SLC36A1: variants seen among roughly 807,000 people sequenced by gnomAD.
SLC36A1 encodes the protein solute carrier family 36 member 1.
SLC36A1 carries 30 observed loss-of-function variants against 47.5 expected under a neutral mutation model. That is an observed-to-expected ratio of 0.63 (90% CI 0.47 to 0.86). SLC36A1 has a LOEUF of 0.86. Ranked by LOEUF, SLC36A1 falls within the 40% of genes least tolerant of loss-of-function variation. The probability of loss-of-function intolerance (pLI) is 0.00; values close to 1 mark genes in which losing one functional copy is unlikely to be tolerated. For synonymous variants in SLC36A1, 255 were observed against 249.7 expected (o/e 1.02, Z -0.20); for missense variants, 517 against 606.0 (o/e 0.85, Z 1.54).
chr5:151,412,135 T>C, the SLC36A1 span, among the ~76,000 whole-genome samples: 1 of 144,848 alleles, frequency 6.9e-6, no homozygotes. Context: ...TTCCAAACTG[T>C]CTGTGTGGGT....
At chr5:151,347,570 C>G in the SLC36A1 span, 16 of 1,415,074 alleles carry the variant, frequency 1.1e-5, no homozygotes, top group Non-Finnish European at 1.5e-5. Flanking sequence ...GGTGTGTGCC[C>G]GGGCTGGCTC....
the SLC36A1 span, chr5:151,422,179 G>A: frequency 1.3e-5 from 2 of 152,372 alleles, no homozygotes; most frequent in African/African-American, 4.8e-5. Context: ...ACACCCACAC[G>A]GTGCATGGCC....
the SLC36A1 span, chr5:151,527,410 G>A: frequency 6.4e-7 from 1 of 1,552,716 alleles, no homozygotes; most frequent in Non-Finnish European, 8.7e-7. Context: ...GGTTAGCAAT[G>A]AGGTAGCTGT....
the SLC36A1 span, chr5:151,544,540 C>T: frequency 2.4e-5 from 38 of 1,612,808 alleles, no homozygotes; most frequent in South Asian, 1.5e-4. Context: ...CTCTGGACTC[C>T]GGGCCTGGGT....
the SLC36A1 span, among the ~76,000 whole-genome samples, chr5:151,547,488 T>C: frequency 7.4e-3 from 1,133 of 152,348 alleles, 6 homozygotes; most frequent in Non-Finnish European, 0.012. Flanking sequence ...ACTTTACATG[T>C]CTTATTCCCT....
At chr5:151,437,303 T>TGGA (rs1374804912) in intron 1 of SLC36A1, 1 of 152,234 alleles carries the variant, frequency 6.6e-6, no homozygotes, top group African/African-American at 2.4e-5. Context: ...AACACAATCT[T>TGGA]ACTTTAACAA....
intron 10 of SLC36A1, among the ~76,000 whole-genome samples, chr5:151,484,563 G>A (rs1759263024): frequency 6.6e-6 from 1 of 152,264 alleles, no homozygotes; most frequent in East Asian, 1.9e-4. Context: ...TCAGAGTTGG[G>A]CGAGACTTCA....
At chr5:151,401,086 C>A in the SLC36A1 span, among the ~76,000 whole-genome samples, 4 of 152,146 alleles carry the variant, frequency 2.6e-5, no homozygotes, top group African/African-American at 9.7e-5. Context: ...GTCATAAATT[C>A]TTTGTCAAGG....
At chr5:151,403,460 G>A in the SLC36A1 span, among the ~76,000 whole-genome samples, 3 of 152,046 alleles carry the variant, frequency 2.0e-5, no homozygotes, top group Non-Finnish European at 2.9e-5. Flanking sequence ...ATTTAAAAGC[G>A]TGTGGCACCT....
At chr5:151,517,533 G>A in the SLC36A1 span, 24 of 1,502,644 alleles carry the variant, frequency 1.6e-5, no homozygotes, top group Non-Finnish European at 2.2e-5. Flanking sequence ...TGGCAGAAAT[G>A]GGCTTCCTGA....
At chr5:151,400,260 T>C in the SLC36A1 span, among the ~76,000 whole-genome samples, 1 of 152,200 alleles carries the variant, frequency 6.6e-6, no homozygotes, top group African/African-American at 2.4e-5. Context: ...TATGTGGTAT[T>C]TGGTTTTCAG....
chr5:151,376,923 G>A, the SLC36A1 span, among the ~76,000 whole-genome samples: 7 of 152,110 alleles, frequency 4.6e-5, no homozygotes, highest in Admixed American at 6.5e-5. Flanking sequence ...ATGAGCCGCC[G>A]CACCCGGCCA....
At chr5:151,524,595 G>A in the SLC36A1 span, among the ~76,000 whole-genome samples, 4 of 152,318 alleles carry the variant, frequency 2.6e-5, no homozygotes, top group African/African-American at 9.6e-5. Flanking sequence ...TTCTGTTGTA[G>A]CAGCCCAAAT....
intron 6 of SLC36A1, 45 bp downstream of exon 6, chr5:151,467,328 G>T: frequency 8.4e-7 from 1 of 1,187,342 alleles, no homozygotes; most frequent in South Asian, 1.4e-5. Context: ...AAACCAGAGC[G>T]AGAATGGCAA....
chr5:151,457,021 G>A lies in SLC36A1; in HGVS notation c.-5-1767G>A, dbSNP rs568398852. 1.7e-3 allele frequency among the ~76,000 whole-genome samples: 255 copies of A among 152,354 alleles called. 1 individual carries two copies. The highest frequency in any genetic ancestry group is 0.01 in the Middle Eastern group (3 of 294). On this transcript the variant is annotated intron_variant, in intron 1 of 10. Coordinates refer to ENST00000243389, the MANE Select transcript of SLC36A1 (RefSeq NM_078483.4). ...GCATCCAGCCACATGCCGGAGGACA[G>A]TCTGACGGGCAAGTAGCTGTGCCAG...
At chr5:151,529,407 G>C in the SLC36A1 span, 16 of 1,611,964 alleles carry the variant, frequency 9.9e-6, no homozygotes, top group Non-Finnish European at 1.4e-5. Context: ...AGAAGCAAGA[G>C]GTGACAGCAG....
the SLC36A1 span, among the ~76,000 whole-genome samples, chr5:151,553,979 T>A: frequency 6.6e-6 from 1 of 152,194 alleles, no homozygotes; most frequent in African/African-American, 2.4e-5. Context: ...TATATTGGCT[T>A]CTCACAAGAA....
the SLC36A1 span, among the ~76,000 whole-genome samples, chr5:151,345,427 A>C: frequency 6.6e-6 from 1 of 152,188 alleles, no homozygotes; most frequent in South Asian, 2.1e-4. Flanking sequence ...TGCTATTTTT[A>C]AAAGATGCTA....
At chr5:151,497,953 C>CT in the SLC36A1 span, among the ~76,000 whole-genome samples, 72 of 136,998 alleles carry the variant, frequency 5.3e-4, no homozygotes, top group African/African-American at 1.8e-3. Context: ...TTTTTTTTTT[C>CT]TTTTTTTTTG....
Sources: allele counts gnomAD v4.1 joint callset (sites outside exome capture counted in the v4.1 genomes callset), GRCh38; gene constraint gnomAD v4.1.1; transcripts MANE v1.5; gene names NCBI Gene and HGNC (gene_info 2026-07-23, HGNC 2026-07-21).